PGAP4: variants seen among roughly 807,000 people sequenced by gnomAD.
PGAP4 encodes post-GPI attachment to proteins GalNAc transferase 4, also known as GPI-N-acetylgalactosamine transferase PGAP4.
PGAP4 carries 12 observed loss-of-function variants against 28.2 expected under a neutral mutation model. The ratio of observed to expected loss-of-function variants is 0.42; its 90% CI spans 0.27 to 0.69. PGAP4 has a LOEUF of 0.69. Among genes scored for constraint, PGAP4 ranks in the 30% least tolerant of loss-of-function variants. PGAP4 has a pLI of 0.22. For missense variants in PGAP4, 425 were observed against 513.5 expected, an observed-to-expected ratio of 0.83 and a Z score of 1.67; for synonymous variants, 205 against 211.8, an observed-to-expected ratio of 0.97 and a Z score of 0.28.
chr9:101,511,448 G>C (rs1826897658), intron 2 of PGAP4, among the ~76,000 whole-genome samples: 1 of 152,136 alleles, frequency 6.6e-6, no homozygotes, highest in Non-Finnish European at 1.5e-5. Context: ...CCCAGATACT[G>C]TTGGCTATGG....
chr9:101,508,014 T>C (rs1282860008), intron 2 of PGAP4, among the ~76,000 whole-genome samples: 1 of 152,144 alleles, frequency 6.6e-6, no homozygotes, highest in African/African-American at 2.4e-5. Flanking sequence ...CCTACTTTGT[T>C]ACCCTTATTT....
upstream of PGAP4, among the ~76,000 whole-genome samples, chr9:101,489,986 G>A (rs1269135628): frequency 2.0e-5 from 3 of 152,032 alleles, no homozygotes; most frequent in Non-Finnish European, 4.4e-5. Flanking sequence ...GGGGATGGAG[G>A]ACAAACAATA....
chr9:101,480,482 C>T (rs1259821451), intron 1 of PGAP4, among the ~76,000 whole-genome samples: 1 of 152,168 alleles, frequency 6.6e-6, no homozygotes, highest in African/African-American at 2.4e-5. Context: ...CAGATCACTT[C>T]CACCCACATT....
At chr9:101,477,923 G>GT (rs1288976797) in intron 1 of PGAP4, among the ~76,000 whole-genome samples, 1 of 152,080 alleles carries the variant, frequency 6.6e-6, no homozygotes, top group Non-Finnish European at 1.5e-5. Context: ...GAGGGAGCGG[G>GT]GGGGGAAAGG....
upstream of PGAP4, among the ~76,000 whole-genome samples, chr9:101,488,543 T>C (rs556517576): frequency 6.6e-6 from 1 of 152,180 alleles, no homozygotes; most frequent in Admixed American, 6.5e-5. Flanking sequence ...CATGAGATAA[T>C]GTATATAAAG....
intron 1 of PGAP4, among the ~76,000 whole-genome samples, chr9:101,485,605 A>G (rs1826595419): frequency 6.6e-6 from 1 of 152,214 alleles, no homozygotes; most frequent in Admixed American, 6.5e-5. Flanking sequence ...TACTACACAG[A>G]GGAAAAAGTG....
chr9:101,509,567 A>G (rs1171203104), intron 2 of PGAP4, among the ~76,000 whole-genome samples: 1 of 152,176 alleles, frequency 6.6e-6, no homozygotes, highest in Non-Finnish European at 1.5e-5. Flanking sequence ...ACTTCTGTAT[A>G]TAAGAGAAGG....
At chr9:101,508,253 C>T (rs1826866157) in intron 2 of PGAP4, among the ~76,000 whole-genome samples, 1 of 151,678 alleles carries the variant, frequency 6.6e-6, no homozygotes, top group African/African-American at 2.4e-5. Context: ...TTGAAGTCTG[C>T]TCAAGAGGCA....
intron 2 of PGAP4, among the ~76,000 whole-genome samples, chr9:101,498,460 T>A (rs184687717): frequency 2.4e-4 from 36 of 152,030 alleles, no homozygotes; most frequent in African/African-American, 8.4e-4. Context: ...GGAGCTGTTG[T>A]AATTTGTAAA....
chr9:101,529,517 C>G (rs1390282841), intron 2 of PGAP4, among the ~76,000 whole-genome samples: 1 of 152,164 alleles, frequency 6.6e-6, no homozygotes, highest in African/African-American at 2.4e-5. Flanking sequence ...TTGTGACTAC[C>G]AATTAGCTCT....
At chr9:101,529,194 T>G (rs1320065078) in intron 2 of PGAP4, among the ~76,000 whole-genome samples, 2 of 151,440 alleles carry the variant, frequency 1.3e-5, no homozygotes, top group Non-Finnish European at 2.9e-5. Context: ...TCACTCTTTT[T>G]GCCCAGGCTG....
At chr9:101,508,787 G>A (rs1826871365) in intron 2 of PGAP4, among the ~76,000 whole-genome samples, 1 of 152,226 alleles carries the variant, frequency 6.6e-6, no homozygotes, top group South Asian at 2.1e-4. Context: ...ATCTACGGGA[G>A]CCCTGAGCTC....
chr9:101,488,960 T>C (rs1826659965), upstream of PGAP4, among the ~76,000 whole-genome samples: 1 of 152,124 alleles, frequency 6.6e-6, no homozygotes, highest in African/African-American at 2.4e-5. Context: ...AATAAGCAAA[T>C]AAATGCATAC....
intron 1 of PGAP4, among the ~76,000 whole-genome samples, chr9:101,483,112 T>C (rs1020806922): frequency 2.6e-5 from 4 of 152,358 alleles, no homozygotes; most frequent in Admixed American, 2.0e-4. Flanking sequence ...GATTGGACTC[T>C]TGAATCCTTT....
At chr9:101,512,102 C>A (rs760172168) in intron 2 of PGAP4, among the ~76,000 whole-genome samples, 1 of 152,128 alleles carries the variant, frequency 6.6e-6, no homozygotes. Flanking sequence ...GGGTGAGAGC[C>A]TGACCAAAAG....
At chr9:101,502,702 C>G (rs1263418174) in intron 2 of PGAP4, among the ~76,000 whole-genome samples, 1 of 152,068 alleles carries the variant, frequency 6.6e-6, no homozygotes, top group Non-Finnish European at 1.5e-5. Context: ...GTCCCTTGCT[C>G]TGGTCTCTGT....
intron 1 of PGAP4, among the ~76,000 whole-genome samples, chr9:101,477,922 G>GA (rs1414877476): frequency 2.7e-5 from 4 of 149,058 alleles, no homozygotes; most frequent in Admixed American, 6.6e-5. Flanking sequence ...TGAGGGAGCG[G>GA]GGGGGGAAAG....
chr9:101,512,063 G>A (rs774808300), intron 2 of PGAP4, among the ~76,000 whole-genome samples: 8 of 152,130 alleles, frequency 5.3e-5, no homozygotes, highest in Non-Finnish European at 7.4e-5. Flanking sequence ...TGATCACTGA[G>A]TGTAGCACTG....
intron 1 of PGAP4, among the ~76,000 whole-genome samples, chr9:101,482,123 C>A (rs771692056): frequency 6.6e-6 from 1 of 152,206 alleles, no homozygotes; most frequent in African/African-American, 2.4e-5. Flanking sequence ...TCTCTCTGAG[C>A]CTATTTTATT....
Sources: allele counts gnomAD v4.1 joint callset (sites outside exome capture counted in the v4.1 genomes callset), GRCh38; gene constraint gnomAD v4.1.1; transcripts MANE v1.5; gene names NCBI Gene and HGNC (gene_info 2026-07-23, HGNC 2026-07-21).